Variants in COL5A2 observed in about 807,000 individuals in gnomAD.
COL5A2 encodes the protein collagen alpha-2(V) chain.
COL5A2 carries 23 observed loss-of-function variants against 208.2 expected under a neutral mutation model. That is an observed-to-expected ratio of 0.11 (90% CI 0.08 to 0.16). The LOEUF is 0.16. COL5A2 is among the 10% of genes least tolerant of loss of function. The probability of loss-of-function intolerance (pLI) is 1.00; values close to 1 mark genes in which losing one functional copy is unlikely to be tolerated. For synonymous variants in COL5A2, 625 were observed against 628.5 expected (o/e 0.99, Z 0.08); for missense variants, 1,590 against 1,956.4 (o/e 0.81, Z 3.53).
At chr2:189,318,858 T>C in the COL5A2 span, among the ~76,000 whole-genome samples, 1 of 152,158 alleles carries the variant, frequency 6.6e-6, no homozygotes, top group African/African-American at 2.4e-5. Context: ...ACAGCTGCTT[T>C]AGTCACCTGC....
chr2:189,284,858 C>T, the COL5A2 span, among the ~76,000 whole-genome samples: 1 of 152,090 alleles, frequency 6.6e-6, no homozygotes. Flanking sequence ...GTTGTTCATG[C>T]AGTCCATTGT....
At chr2:189,081,137 A>C (rs1333156823) in intron 12 of COL5A2, 94 bp from the exon 13 acceptor site, 2 of 953,492 alleles carry the variant, frequency 2.1e-6, no homozygotes, top group East Asian at 4.8e-5. Flanking sequence ...TAGCTAGTAC[A>C]CAGTTTTCCA....
intron 1 of COL5A2, among the ~76,000 whole-genome samples, chr2:189,143,984 C>A (rs558206176): frequency 6.6e-6 from 1 of 151,958 alleles, no homozygotes; most frequent in African/African-American, 2.4e-5. Flanking sequence ...ATATTGAGAT[C>A]GCCAGGGTAG....
intron 1 of COL5A2, among the ~76,000 whole-genome samples, chr2:189,162,287 T>G (rs1032380695): frequency 6.6e-6 from 1 of 152,246 alleles, no homozygotes. Flanking sequence ...GAGCAGGTAC[T>G]CAGCACATGT....
chr2:189,350,206 C>G, the COL5A2 span, among the ~76,000 whole-genome samples: 1 of 151,922 alleles, frequency 6.6e-6, no homozygotes, highest in Non-Finnish European at 1.5e-5. Context: ...TTATATTTGA[C>G]GTACATATGT....
the COL5A2 span, among the ~76,000 whole-genome samples, chr2:189,377,928 C>A: frequency 2.0e-5 from 3 of 152,154 alleles, no homozygotes; most frequent in Admixed American, 1.3e-4. Context: ...ACCCAAAGTG[C>A]ACTTATTGGG....
the COL5A2 span, among the ~76,000 whole-genome samples, chr2:189,361,919 C>G: frequency 6.6e-6 from 1 of 152,108 alleles, no homozygotes; most frequent in Non-Finnish European, 1.5e-5. Context: ...TTCTCCCCCA[C>G]ATTTTGACTT....
chr2:189,363,796 T>C, the COL5A2 span, among the ~76,000 whole-genome samples: 4 of 152,190 alleles, frequency 2.6e-5, no homozygotes, highest in Non-Finnish European at 5.9e-5. Flanking sequence ...TTGAGTTTCA[T>C]GGAGTAGATC....
At chr2:189,176,725 A>T (rs1378118371) in intron 1 of COL5A2, among the ~76,000 whole-genome samples, 1 of 151,960 alleles carries the variant, frequency 6.6e-6, no homozygotes, top group Non-Finnish European at 1.5e-5. Flanking sequence ...ACACGCACAC[A>T]CACTCTTTAA....
chr2:189,387,135 T>TA, the COL5A2 span, among the ~76,000 whole-genome samples: 4,241 of 152,178 alleles, frequency 0.028, 198 homozygotes, highest in African/African-American at 0.097. Context: ...TATACAGTCA[T>TA]AAAAAAGAAT....
At chr2:189,155,685 T>TG (rs1211162078) in intron 1 of COL5A2, among the ~76,000 whole-genome samples, 1 of 152,152 alleles carries the variant, frequency 6.6e-6, no homozygotes, top group East Asian at 1.9e-4. Context: ...AATATATATT[T>TG]TTGTTTATTT....
rs58532741 is a variant in COL5A2, at chr2:189,085,033, C to T, written c.798+127G>A. The T allele has an allele frequency of 0.15, 110,986 of 755,292 alleles. 8,502 individuals carry two copies. Among genetic ancestry groups the T allele is most frequent in the Middle Eastern group, 0.24 (1,009 of 4,160 alleles). The allele number at this position is 755,292 out of a possible 1,614,324, so 46.8% of individuals were successfully genotyped here. ...ATTCCATTCTGAGTGCTCCTGTTTA[C>T]ATTGAATTTAATGCAAGCTAAAAGG... On this transcript the variant is annotated intron_variant, in intron 11 of 53. Transcript: ENST00000374866.
chr2:189,095,920 T>C (rs1246447610), intron 6 of COL5A2: 1 of 152,066 alleles, frequency 6.6e-6, no homozygotes, highest in Non-Finnish European at 1.5e-5. Flanking sequence ...CAGTGAAGAA[T>C]GGGGCATATA....
chr2:189,111,682 A>G (rs1687265143), intron 1 of COL5A2, among the ~76,000 whole-genome samples: 1 of 152,150 alleles, frequency 6.6e-6, no homozygotes, highest in South Asian at 2.1e-4. Context: ...TTCATTGTGT[A>G]TTATATGCTA....
the COL5A2 span, among the ~76,000 whole-genome samples, chr2:189,394,566 A>G: frequency 2.1e-3 from 325 of 152,334 alleles, 2 homozygotes; most frequent in African/African-American, 7.2e-3. Flanking sequence ...TGTCCATACT[A>G]GCACCCTGAT....
intron 1 of COL5A2, among the ~76,000 whole-genome samples, chr2:189,133,755 A>G (rs944481861): frequency 1.3e-5 from 2 of 152,168 alleles, no homozygotes; most frequent in Non-Finnish European, 2.9e-5. Context: ...GAAGCTAGAG[A>G]GACCACTTCA....
the COL5A2 span, among the ~76,000 whole-genome samples, chr2:189,415,208 AGTGATATGTTCTATTATGAT>A: frequency 6.6e-6 from 1 of 152,194 alleles, no homozygotes; most frequent in Admixed American, 6.5e-5. Context: ...TATTTCTAAT[AGTGATATGTTCTATTATGAT>A]GACATTTTAA....
chr2:189,395,485 T>A, the COL5A2 span, among the ~76,000 whole-genome samples: 2 of 152,312 alleles, frequency 1.3e-5, no homozygotes, highest in Admixed American at 6.5e-5. Flanking sequence ...ATCTTAGGGA[T>A]ACCAGATGAA....
intron 1 of COL5A2, among the ~76,000 whole-genome samples, chr2:189,160,265 A>C (rs183363133): frequency 3.3e-4 from 51 of 152,318 alleles, no homozygotes; most frequent in Admixed American, 7.8e-4. Flanking sequence ...GAATTGTATA[A>C]TACTACTTAT....
Sources: gnomAD v4.1 joint callset for allele counts (sites outside exome capture counted in the v4.1 genomes callset) on GRCh38, gnomAD v4.1.1 for gene constraint, MANE v1.5 for transcripts, NCBI Gene and HGNC (gene_info 2026-07-23, HGNC 2026-07-21) for gene names.